SORL1: variants seen among roughly 807,000 people sequenced by gnomAD.
SORL1 encodes sortilin related receptor 1.
Under a neutral mutation model 273.7 loss-of-function variants are expected in SORL1, and 127 were observed. The observed-to-expected ratio is 0.46, with a 90% confidence interval of 0.40 to 0.54. The LOEUF (loss-of-function observed/expected upper bound fraction) is 0.54, where lower values mean the gene tolerates loss of function less well. Among genes scored for constraint, SORL1 ranks in the 20% least tolerant of loss-of-function variants. SORL1 has a pLI of 0.00. For missense variants in SORL1, 2,494 were observed against 2,846.1 expected, an observed-to-expected ratio of 0.88 and a Z score of 2.81; for synonymous variants, 1,031 against 1,067.4, an observed-to-expected ratio of 0.97 and a Z score of 0.66.
intron 12 of SORL1, among the ~76,000 whole-genome samples, chr11:121,543,247 T>C (rs1248064075): frequency 6.6e-6 from 1 of 152,064 alleles, no homozygotes; most frequent in African/African-American, 2.4e-5. Flanking sequence ...TGTCTTTTAG[T>C]ATCATTAGAG....
intron 20 of SORL1, 53 bp from the exon 21 acceptor site, chr11:121,559,466 A>G (rs1591327037): frequency 1.3e-6 from 2 of 1,578,160 alleles, no homozygotes; most frequent in Non-Finnish European, 8.6e-7. Context: ...CTTAGAGAGA[A>G]CCAGAATAAA....
intron 5 of SORL1, among the ~76,000 whole-genome samples, chr11:121,492,336 G>C (rs1248533883): frequency 2.6e-5 from 4 of 152,122 alleles, no homozygotes; most frequent in Non-Finnish European, 5.9e-5. Flanking sequence ...ACTCCAGCCT[G>C]TGCGACAGAC....
intron 24 of SORL1, 31 bp from the exon 25 acceptor site, chr11:121,577,250 C>G: frequency 6.4e-7 from 1 of 1,556,546 alleles, no homozygotes; most frequent in Non-Finnish European, 8.7e-7. Context: ...AGCTTTTGTC[C>G]TCACCTCTCT....
chr11:121,585,293 G>A (rs1190985976), intron 26 of SORL1, among the ~76,000 whole-genome samples: 1 of 152,086 alleles, frequency 6.6e-6, no homozygotes, highest in Non-Finnish European at 1.5e-5. Flanking sequence ...AGATCAGCCT[G>A]GGCAACATAG....
chr11:121,539,792 AAATGAATG>A, intron 12 of SORL1, among the ~76,000 whole-genome samples: 1 of 152,324 alleles, frequency 6.6e-6, no homozygotes, highest in Non-Finnish European at 1.5e-5. Context: ...TGGTTTTCAT[AAATGAATG>A]AATGAATGAA....
intron 35 of SORL1, among the ~76,000 whole-genome samples, chr11:121,605,948 G>A (rs1393185304): frequency 6.6e-6 from 1 of 152,078 alleles, no homozygotes. Context: ...TGGAGACAAG[G>A]TCTCACTCTG....
At chr11:121,582,145 A>G (rs572243155) in intron 25 of SORL1, among the ~76,000 whole-genome samples, 154 of 152,328 alleles carry the variant, frequency 1.0e-3, no homozygotes, top group African/African-American at 2.8e-3. Context: ...AGACATAGAT[A>G]ATGAGCTACC....
chr11:121,597,180 G>C (rs1326152049), intron 32 of SORL1, among the ~76,000 whole-genome samples: 2 of 152,204 alleles, frequency 1.3e-5, no homozygotes, highest in Non-Finnish European at 2.9e-5. Context: ...ACCCAGTAAG[G>C]CTCAGGGGGA....
intron 41 of SORL1, 77 bp downstream of exon 41, chr11:121,615,132 C>A: frequency 8.2e-7 from 1 of 1,222,836 alleles, no homozygotes; most frequent in Non-Finnish European, 1.1e-6. Flanking sequence ...AACTCCAGGG[C>A]TTTTCTCTCT....
intron 1 of SORL1, among the ~76,000 whole-genome samples, chr11:121,458,678 A>G (rs1223292793): frequency 1.3e-5 from 2 of 152,184 alleles, no homozygotes; most frequent in Non-Finnish European, 2.9e-5. Flanking sequence ...TTTCGACCTA[A>G]TTTATTGGCT....
intron 6 of SORL1, among the ~76,000 whole-genome samples, chr11:121,506,676 T>C (rs1025385124): frequency 2.6e-5 from 4 of 152,242 alleles, no homozygotes; most frequent in African/African-American, 7.2e-5. Context: ...TTCATCCTTG[T>C]AGTTTCAATC....
chr11:121,567,217 A>G, intron 22 of SORL1, 104 bp downstream of exon 22: 1 of 1,027,638 alleles, frequency 9.7e-7, no homozygotes, highest in Admixed American at 2.6e-5. Flanking sequence ...TTTTCGTGTT[A>G]TTGGAAAAAG....
At chr11:121,621,796 T>TG in intron 44 of SORL1, among the ~76,000 whole-genome samples, 1 of 152,340 alleles carries the variant, frequency 6.6e-6, no homozygotes, top group East Asian at 1.9e-4. Context: ...TGGCGTGCAG[T>TG]GGGCCTGGGC....
intron 4 of SORL1, among the ~76,000 whole-genome samples, chr11:121,488,454 C>T (rs1251134145): frequency 3.3e-5 from 5 of 152,320 alleles, no homozygotes; most frequent in African/African-American, 1.2e-4. Flanking sequence ...CTTCTCCATG[C>T]AGTTGCACCT....
At chr11:121,511,695 C>T (rs1679736467) in intron 6 of SORL1, among the ~76,000 whole-genome samples, 2 of 152,156 alleles carry the variant, frequency 1.3e-5, no homozygotes, top group African/African-American at 2.4e-5. Context: ...TACTTTTAAC[C>T]ATTTGTTCAG....
chr11:121,530,700 C>T (rs1010254013), intron 11 of SORL1, among the ~76,000 whole-genome samples: 17 of 152,144 alleles, frequency 1.1e-4, no homozygotes, highest in African/African-American at 4.1e-4. Flanking sequence ...AAATTTTCAG[C>T]CATTATTTCT....
Position 121,452,605 on chromosome 11 carries a change from G to A in SORL1, c.274G>A (p.Val92Met). ...SAALQPEPIK[V>M]YGQVSLNDSH... ...TGCCCTGCAGCCCGAGCCCATCAAG[G>A]TGTACGGACAGGTGAGCAGTTTTGC... Residue 92 changes from valine to methionine, a missense_variant, in exon 1 of 48, where the codon GTG becomes ATG. This residue lies in a region of SORL1 where 175 missense variants were observed against 147.1 expected (regional missense o/e 1.19). Coordinates refer to ENST00000260197, the MANE Select transcript of SORL1 (RefSeq NM_003105.6). The surrounding 1 kb of genome is among the most constrained non-coding windows in gnomAD (Gnocchi z 5.3). 3 of 1,507,528 alleles carry A rather than the reference G, an allele frequency of 2.0e-6. No individual in the cohort carries two copies. The highest frequency in any genetic ancestry group is 1.8e-6 in the Non-Finnish European group (2 of 1,134,948). The allele number at this position is 1,507,528 out of a possible 1,614,324, so 93.4% of individuals were successfully genotyped here. A position where few individuals can be genotyped will look rare whatever the true frequency, so the allele number is the denominator to read the frequency against.
At chr11:121,503,102 T>A (rs1797651012) in intron 6 of SORL1, among the ~76,000 whole-genome samples, 1 of 152,088 alleles carries the variant, frequency 6.6e-6, no homozygotes, top group Non-Finnish European at 1.5e-5. Context: ...ACTCCTGGGC[T>A]CAAGCAGTCC....
chr11:121,614,821 G>A (rs774998593), intron 40 of SORL1, 50 bp from the exon 41 acceptor site: 1 of 1,512,642 alleles, frequency 6.6e-7, no homozygotes, highest in Non-Finnish European at 9.2e-7. Flanking sequence ...ACACGTTCTT[G>A]ACTAACACCC....
Sources: allele counts gnomAD v4.1 joint callset (sites outside exome capture counted in the v4.1 genomes callset), GRCh38; gene constraint gnomAD v4.1.1; regional missense constraint gnomAD v4.1.1; non-coding constraint Gnocchi (gnomAD v3.1); transcripts MANE v1.5; gene names NCBI Gene and HGNC (gene_info 2026-07-23, HGNC 2026-07-21).